The following CTNNA2 variants were observed in gnomAD, a reference collection of about 807,000 sequenced individuals.
CTNNA2 encodes the protein catenin alpha-2.
CTNNA2 carries 42 observed loss-of-function variants against 101.0 expected under a neutral mutation model. That is an observed-to-expected ratio of 0.42 (90% CI 0.32 to 0.54). CTNNA2 has a LOEUF of 0.54. CTNNA2 is among the 20% of genes least tolerant of loss of function. CTNNA2 has a pLI of 0.14. For missense variants in CTNNA2, 871 were observed against 1,223.1 expected, an observed-to-expected ratio of 0.71 and a Z score of 4.29; for synonymous variants, 450 against 456.4, an observed-to-expected ratio of 0.99 and a Z score of 0.18.
At chr2:79,620,637 G>A (rs1678934580) in intron 1 of CTNNA2, among the ~76,000 whole-genome samples, 1 of 152,180 alleles carries the variant, frequency 6.6e-6, no homozygotes, top group African/African-American at 2.4e-5. Flanking sequence ...CCTGAGTCAG[G>A]ACTCATGCTG....
chr2:79,912,128 A>C (rs1168317647), intron 7 of CTNNA2, among the ~76,000 whole-genome samples: 1 of 152,254 alleles, frequency 6.6e-6, no homozygotes, highest in African/African-American at 2.4e-5. Context: ...AGGCAGTACC[A>C]TTAGGATAAA....
intron 3 of CTNNA2, among the ~76,000 whole-genome samples, chr2:79,826,872 C>T (rs983094216): frequency 2.6e-5 from 4 of 152,090 alleles, no homozygotes; most frequent in African/African-American, 7.2e-5. Context: ...AGAAGATAAT[C>T]GGATCACATC....
At chr2:79,331,365 C>T (rs1309467544) in intron 3 of CTNNA2, among the ~76,000 whole-genome samples, 1 of 152,168 alleles carries the variant, frequency 6.6e-6, no homozygotes. Flanking sequence ...GAAAGGTCAA[C>T]TTAGGTCCTG....
rs3067148 is a variant in CTNNA2 at position 80,241,587 on chromosome 2, A to ATATCTATCTATCTATC, written c.1057-151599_1057-151584dup. 7.6e-4 allele frequency among the ~76,000 whole-genome samples: 113 copies of ATATCTATCTATCTATC among 148,412 alleles called. 1 individual carries two copies. The highest frequency in any genetic ancestry group is 1.4e-3 in the African/African-American group (58 of 40,368). On this transcript the variant is annotated intron_variant, in intron 7 of 18. Transcript: ENST00000402739. Reference sequence around the variant, plus strand: ...CCATCTATCTATCAATGCATCTATTATATCTATCTATCTATCTATCTATCT... The same window carrying ATATCTATCTATCTATC: ...CCATCTATCTATCAATGCATCTATTATATCTATCTATCTATCTATCTATCTATCTATCTATCTATCT...
intron 1 of CTNNA2, among the ~76,000 whole-genome samples, chr2:79,525,877 ACT>A (rs1397547759): frequency 6.6e-6 from 1 of 151,712 alleles, no homozygotes; most frequent in African/African-American, 2.4e-5. Flanking sequence ...TTTCAATAAA[ACT>A]CTCAGTTAAC....
At chr2:79,476,673 G>A (rs2104552230) in intron 4 of CTNNA2, among the ~76,000 whole-genome samples, 1 of 152,252 alleles carries the variant, frequency 6.6e-6, no homozygotes, top group East Asian at 1.9e-4. Context: ...AGCATCTTCT[G>A]AGATCTTGGC....
intron 4 of CTNNA2, among the ~76,000 whole-genome samples, chr2:79,455,502 C>T (rs898418012): frequency 6.6e-6 from 1 of 152,082 alleles, no homozygotes; most frequent in African/African-American, 2.4e-5. Flanking sequence ...CAAACACAAT[C>T]CTTATTTCTA....
chr2:80,074,284 GT>G (rs772265768), intron 7 of CTNNA2, among the ~76,000 whole-genome samples: 2 of 152,062 alleles, frequency 1.3e-5, no homozygotes, highest in Non-Finnish European at 2.9e-5. Context: ...AAGAATCCTA[GT>G]TTTGAGGTAA....
intron 7 of CTNNA2, among the ~76,000 whole-genome samples, chr2:79,981,610 C>T (rs1181726817): frequency 1.3e-5 from 2 of 152,090 alleles, no homozygotes; most frequent in Non-Finnish European, 2.9e-5. Flanking sequence ...AAAACACGGC[C>T]ACAGTACACA....
chr2:80,522,801 TG>T (rs1159890323), intron 9 of CTNNA2, among the ~76,000 whole-genome samples: 1 of 152,186 alleles, frequency 6.6e-6, no homozygotes, highest in Non-Finnish European at 1.5e-5. Flanking sequence ...CCGTACAGCC[TG>T]CAAAACCATG....
chr2:80,324,912 C>T (rs1679093766), intron 7 of CTNNA2, among the ~76,000 whole-genome samples: 1 of 152,274 alleles, frequency 6.6e-6, no homozygotes, highest in African/African-American at 2.4e-5. Context: ...TCTTCCCTGA[C>T]CACTCCATCT....
intron 9 of CTNNA2, among the ~76,000 whole-genome samples, chr2:80,500,361 CATCT>C (rs1381583838): frequency 5.9e-5 from 9 of 152,194 alleles, no homozygotes; most frequent in Non-Finnish European, 8.8e-5. Flanking sequence ...TTTACCCATC[CATCT>C]ATTATCCATC....
chr2:79,815,366 T>A (rs1023308196), intron 3 of CTNNA2, among the ~76,000 whole-genome samples: 1 of 152,188 alleles, frequency 6.6e-6, no homozygotes, highest in Admixed American at 6.6e-5. Context: ...CTAGGAGGGT[T>A]TTTTCAATGT....
At chr2:80,117,727 A>G (rs1456882545) in intron 7 of CTNNA2, among the ~76,000 whole-genome samples, 5 of 152,114 alleles carry the variant, frequency 3.3e-5, no homozygotes. Context: ...TGAATAGGCA[A>G]TGTGGATCAT....
intron 7 of CTNNA2, among the ~76,000 whole-genome samples, chr2:79,980,871 T>G (rs1031656333): frequency 6.6e-6 from 1 of 152,174 alleles, no homozygotes; most frequent in African/African-American, 2.4e-5. Context: ...ATATTACTTA[T>G]TCATTTTGCT....
chr2:79,812,847 T>G (rs1409253433), intron 3 of CTNNA2, among the ~76,000 whole-genome samples: 1 of 152,128 alleles, frequency 6.6e-6, no homozygotes, highest in Non-Finnish European at 1.5e-5. Flanking sequence ...AAGTGCCACC[T>G]TAAGTAGGTC....
At chr2:79,803,439 C>A (rs1676322737) in intron 3 of CTNNA2, among the ~76,000 whole-genome samples, 3 of 152,204 alleles carry the variant, frequency 2.0e-5, no homozygotes, top group Admixed American at 6.5e-5. Flanking sequence ...CTAAAAGTAT[C>A]CCTTATGGGA....
intron 7 of CTNNA2, among the ~76,000 whole-genome samples, chr2:79,926,046 T>A (rs547504499): frequency 1.3e-5 from 2 of 152,256 alleles, no homozygotes; most frequent in African/African-American, 4.8e-5. Context: ...AATATCCAAA[T>A]GAATTCACAA....
chr2:80,417,193 T>G (rs2149403149), intron 8 of CTNNA2, among the ~76,000 whole-genome samples: 1 of 151,786 alleles, frequency 6.6e-6, no homozygotes, highest in Non-Finnish European at 1.5e-5. Context: ...ATATGATATT[T>G]TAATATATGT....
Sources: gnomAD v4.1 joint callset for allele counts (sites outside exome capture counted in the v4.1 genomes callset) on GRCh38, gnomAD v4.1.1 for gene constraint, MANE v1.5 for transcripts, NCBI Gene and HGNC (gene_info 2026-07-23, HGNC 2026-07-21) for gene names.